The following RAP2A variants were observed in gnomAD, a reference collection of about 807,000 sequenced individuals.
The protein encoded by RAP2A is ras-related protein Rap-2a.
In RAP2A, 5 loss-of-function variants were observed where a neutral mutation model predicts 15.1. The ratio of observed to expected loss-of-function variants is 0.33; its 90% CI spans 0.17 to 0.70. The LOEUF is 0.70. RAP2A is among the 30% of genes least tolerant of loss of function. RAP2A has a pLI of 0.68. For synonymous variants in RAP2A, 110 were observed against 99.7 expected, an observed-to-expected ratio of 1.10 and a Z score of -0.62; for missense variants, 111 against 240.3, an observed-to-expected ratio of 0.46 and a Z score of 3.56.
intron 1 of RAP2A, among the ~76,000 whole-genome samples, chr13:97,445,009 A>G (rs571013019): frequency 9.2e-5 from 14 of 152,330 alleles, no homozygotes; most frequent in Admixed American, 6.5e-4. Flanking sequence ...CTCTTGCTGC[A>G]TCTTCATATG....
intron 1 of RAP2A, chr13:97,436,161 T>G (rs1455860872): frequency 1.3e-5 from 2 of 152,198 alleles, no homozygotes; most frequent in Non-Finnish European, 2.9e-5. Context: ...GCAGATATTT[T>G]CGTGGTCTCT....
chr13:97,447,241 A>T lies in RAP2A; in HGVS notation c.314+12457A>T, dbSNP rs550368172. Among the ~76,000 whole-genome samples, 5 of 152,336 alleles carry T rather than the reference A, an allele frequency of 3.3e-5. No homozygotes were observed. The South Asian group carries it at 8.3e-4, about 25-fold the overall frequency. ...TTTGAAGATCACATTTAATCGTATT[A>T]AGAATGTAGTGTATTATGGCTTAAT... On this transcript the variant is annotated intron_variant, in intron 1 of 1. Coordinates refer to ENST00000245304, the MANE Select transcript of RAP2A (RefSeq NM_021033.7).
chr13:97,455,672 G>A (rs1390397030), intron 1 of RAP2A, among the ~76,000 whole-genome samples: 1 of 151,404 alleles, frequency 6.6e-6, no homozygotes, highest in East Asian at 1.9e-4. Context: ...ACATAGGAGT[G>A]GTTTAAATTG....
At chr13:97,441,500 G>C (rs1043074241) in intron 1 of RAP2A, among the ~76,000 whole-genome samples, 1 of 152,036 alleles carries the variant, frequency 6.6e-6, no homozygotes, top group Admixed American at 6.5e-5. Context: ...GCACAATAAG[G>C]TGCATATATT....
At position 97,464,610 on chromosome 13, in the gene RAP2A, T is replaced by C. The variant is rs920655045; in HGVS notation, c.*168T>C. ...GTCAGTTGATATCTCTGAGTAACAT[T>C]TGGGTTCAGTAACTACAGTTTTCAC... is the stretch of plus-strand genomic sequence containing the variant. On this transcript the variant is annotated 3_prime_UTR_variant, in exon 2 of 2. Coordinates refer to ENST00000245304, the MANE Select transcript of RAP2A (RefSeq NM_021033.7). 7.5e-6 allele frequency: 5 copies of C among 668,492 alleles called. No homozygotes were observed. Among genetic ancestry groups the C allele is most frequent in the Non-Finnish European group, 1.0e-5 (4 of 393,440 alleles). 41.4% of individuals were successfully genotyped at this position (668,492 alleles called of 1,614,324 possible). A position where few individuals can be genotyped will look rare whatever the true frequency, so the allele number is the denominator to read the frequency against.
chr13:97,434,847 C>T lies in RAP2A; in HGVS notation c.314+63C>T, dbSNP rs776456967. The T allele has an allele frequency of 4.9e-4, 776 of 1,584,002 alleles. 1 individual carries two copies. The highest frequency in any genetic ancestry group is 6.2e-4 in the Non-Finnish European group (724 of 1,164,218). ...CGGAGTCACCGTCCCGGGGCTGGAA[C>T]TCCCCGCGCGGGGCTCCGGGGAAGG... On this transcript the variant is annotated intron_variant, in intron 1 of 1. Coordinates refer to ENST00000245304, the MANE Select transcript of RAP2A (RefSeq NM_021033.7).
chr13:97,437,018 C>A (rs1055825271), intron 1 of RAP2A, among the ~76,000 whole-genome samples: 17 of 152,136 alleles, frequency 1.1e-4, no homozygotes, highest in Admixed American at 1.0e-3. Context: ...TATCTACTGT[C>A]AAATTCAGTA....
chr13:97,444,014 A>AC (rs2066669294), intron 1 of RAP2A, among the ~76,000 whole-genome samples: 2 of 152,326 alleles, frequency 1.3e-5, no homozygotes, highest in African/African-American at 4.8e-5. Context: ...TAGGAATGAA[A>AC]CCCAGCCTTT....
Position 97,467,815 on chromosome 13 carries a change from G to T in RAP2A, c.*3373G>T, listed in dbSNP as rs1461143537. 1 of 152,344 alleles carries T rather than the reference G, an allele frequency of 6.6e-6. No homozygotes were observed. The highest frequency in any genetic ancestry group is 1.5e-5 in the Non-Finnish European group (1 of 67,994). 9.4% of individuals were successfully genotyped at this position (152,344 alleles called of 1,614,324 possible). ...CCAGAGATATAGTTCACAGTTAATT[G>T]TTGCGCTCTAATACAACTGACCATT... On this transcript the variant is annotated 3_prime_UTR_variant, in exon 2 of 2. Transcript: ENST00000245304.
At chr13:97,441,798 CTA>C (rs2153179207) in intron 1 of RAP2A, 2 of 444,768 alleles carry the variant, frequency 4.5e-6, no homozygotes, top group South Asian at 3.2e-5. Context: ...TTTAAGTACT[CTA>C]AGTTTTTTTG....
chr13:97,435,798 G>A (rs2066631488), intron 1 of RAP2A: 1 of 152,080 alleles, frequency 6.6e-6, no homozygotes. Flanking sequence ...TCTAGTTCTT[G>A]TTAGTTAATG....
intron 1 of RAP2A, among the ~76,000 whole-genome samples, chr13:97,440,529 TTA>T (rs2066653152): frequency 6.6e-6 from 1 of 152,142 alleles, no homozygotes; most frequent in African/African-American, 2.4e-5. Context: ...AGGGAAATAG[TTA>T]TGAGTGCTCA....
At chr13:97,439,913 TATTA>T (rs1197617867) in intron 1 of RAP2A, among the ~76,000 whole-genome samples, 1 of 152,066 alleles carries the variant, frequency 6.6e-6, no homozygotes, top group Non-Finnish European at 1.5e-5. Flanking sequence ...TTAAGATTAT[TATTA>T]ATTTTCTATA....
At chr13:97,456,149 C>T (rs1473401918) in intron 1 of RAP2A, among the ~76,000 whole-genome samples, 2 of 144,220 alleles carry the variant, frequency 1.4e-5, no homozygotes, top group South Asian at 2.2e-4. Flanking sequence ...GGTTTTCAGC[C>T]CACACACATA....
At chr13:97,439,974 T>C (rs2066650302) in intron 1 of RAP2A, among the ~76,000 whole-genome samples, 1 of 152,280 alleles carries the variant, frequency 6.6e-6, no homozygotes, top group African/African-American at 2.4e-5. Flanking sequence ...TGTTTACACT[T>C]TCCCCCTTAC....
intron 1 of RAP2A, among the ~76,000 whole-genome samples, chr13:97,461,043 C>T (rs2066744355): frequency 6.6e-6 from 1 of 152,184 alleles, no homozygotes; most frequent in Non-Finnish European, 1.5e-5. Context: ...AGCAAGCACC[C>T]TCCTTTTATC....
intron 1 of RAP2A, among the ~76,000 whole-genome samples, chr13:97,448,457 G>A (rs1033324127): frequency 2.0e-5 from 3 of 151,886 alleles, no homozygotes; most frequent in Admixed American, 2.0e-4. Flanking sequence ...CCCAAGTGTG[G>A]TGTGTAACAC....
intron 1 of RAP2A, among the ~76,000 whole-genome samples, chr13:97,438,693 C>A (rs1271636446): frequency 6.6e-6 from 1 of 152,144 alleles, no homozygotes; most frequent in Non-Finnish European, 1.5e-5. Flanking sequence ...CACCTCTTTG[C>A]TCAATCACAC....
intron 1 of RAP2A, among the ~76,000 whole-genome samples, chr13:97,451,606 G>C (rs917611674): frequency 6.6e-6 from 1 of 152,120 alleles, no homozygotes; most frequent in Admixed American, 6.6e-5. Flanking sequence ...CTAGGTAGGG[G>C]TTATGAATGA....
Sources: allele counts gnomAD v4.1 joint callset (sites outside exome capture counted in the v4.1 genomes callset), GRCh38; gene constraint gnomAD v4.1.1; transcripts MANE v1.5; gene names NCBI Gene and HGNC (gene_info 2026-07-23, HGNC 2026-07-21).